Variants in CCDC148 observed in about 807,000 individuals in gnomAD.
The protein encoded by CCDC148 is coiled-coil domain containing 148.
CCDC148 carries 89 observed loss-of-function variants against 85.7 expected under a neutral mutation model. The ratio of observed to expected loss-of-function variants is 1.04; its 90% CI spans 0.87 to 1.24. The LOEUF (loss-of-function observed/expected upper bound fraction) is 1.24. CCDC148 is among the 50% of genes most tolerant of loss of function. CCDC148 has a pLI of 0.00. For synonymous variants in CCDC148, 230 were observed against 213.9 expected (o/e 1.08, Z -0.66); for missense variants, 692 against 671.7 (o/e 1.03, Z -0.33).
At chr2:158,227,194 C>T (rs1687589362) in intron 10 of CCDC148, among the ~76,000 whole-genome samples, 1 of 151,948 alleles carries the variant, frequency 6.6e-6, no homozygotes, top group African/African-American at 2.4e-5. Flanking sequence ...CATGAGTGAA[C>T]TCCCATTCAC....
At chr2:158,303,660 A>G (rs1381673921) in intron 9 of CCDC148, among the ~76,000 whole-genome samples, 1 of 152,124 alleles carries the variant, frequency 6.6e-6, no homozygotes, top group African/African-American at 2.4e-5. Flanking sequence ...AACAGAATCC[A>G]TTTTACTATA....
intron 9 of CCDC148, among the ~76,000 whole-genome samples, chr2:158,307,487 T>G (rs1006554833): frequency 6.6e-6 from 1 of 152,234 alleles, no homozygotes; most frequent in Non-Finnish European, 1.5e-5. Flanking sequence ...GAAAACTATT[T>G]GGCAGTATTT....
In CCDC148 at chr2:158,342,282, G is replaced by A. The variant is rs189554735; in HGVS notation, c.252-1602C>T. On this transcript the variant is annotated intron_variant, in intron 3 of 13. Coordinates refer to ENST00000283233, the MANE Select transcript of CCDC148 (RefSeq NM_138803.4). ...TGACCTCAGGTGATCCACCTGCCTT[G>A]GCCTCCCAAAGTGCTGTGTCATAAT... 3.0e-3 allele frequency among the ~76,000 whole-genome samples: 461 copies of A among 151,844 alleles called. 2 individuals are homozygous for A. The highest frequency in any genetic ancestry group is 0.01 in the African/African-American group (431 of 41,428).
At chr2:158,397,139 TG>T (rs1261200632) in intron 1 of CCDC148, among the ~76,000 whole-genome samples, 3 of 151,992 alleles carry the variant, frequency 2.0e-5, no homozygotes, top group Non-Finnish European at 1.5e-5. Flanking sequence ...GGCAAGAATC[TG>T]TCTCAAAATC....
At chr2:158,329,251 G>T (rs1574631136) in intron 7 of CCDC148, among the ~76,000 whole-genome samples, 1 of 152,258 alleles carries the variant, frequency 6.6e-6, no homozygotes, top group East Asian at 1.9e-4. Context: ...AGTTTTCCCA[G>T]CACCATTTAT....
At chr2:158,393,128 G>A (rs1394631474) in intron 1 of CCDC148, 1 of 152,094 alleles carries the variant, frequency 6.6e-6, no homozygotes, top group East Asian at 1.9e-4. Flanking sequence ...TTCATAATAT[G>A]CTGAATATAA....
At chr2:158,416,981 G>C (rs1416079917) in intron 1 of CCDC148, among the ~76,000 whole-genome samples, 1 of 152,202 alleles carries the variant, frequency 6.6e-6, no homozygotes, top group Non-Finnish European at 1.5e-5. Context: ...AGGGGAGGCA[G>C]ACACATTCTA....
intron 10 of CCDC148, among the ~76,000 whole-genome samples, chr2:158,229,816 T>C (rs1004664597): frequency 3.9e-5 from 6 of 152,168 alleles, no homozygotes; most frequent in African/African-American, 1.4e-4. Flanking sequence ...GAATTAAACA[T>C]AATTTTATCC....
intron 9 of CCDC148, among the ~76,000 whole-genome samples, chr2:158,307,870 G>A (rs1159664734): frequency 1.3e-5 from 2 of 152,148 alleles, no homozygotes; most frequent in African/African-American, 4.8e-5. Flanking sequence ...GATCACAGGT[G>A]GGGATTGTAT....
At chr2:158,343,046 T>C (rs1193844382) in intron 3 of CCDC148, among the ~76,000 whole-genome samples, 2 of 152,198 alleles carry the variant, frequency 1.3e-5, no homozygotes, top group Non-Finnish European at 2.9e-5. Context: ...TCTCACGATG[T>C]TGCCCAGGCT....
intron 1 of CCDC148, among the ~76,000 whole-genome samples, chr2:158,369,146 C>A (rs77755866): frequency 1.3e-5 from 2 of 152,194 alleles, no homozygotes; most frequent in Middle Eastern, 6.8e-3. Flanking sequence ...TATTGTTTCA[C>A]TATACGGGCT....
In CCDC148 at chr2:158,335,225, T is replaced by C. The variant is rs572704417; in HGVS notation, c.764+3501A>G. 8.5e-5 allele frequency among the ~76,000 whole-genome samples: 13 copies of C among 152,300 alleles called. No homozygotes were observed. In the South Asian group the frequency reaches 2.5e-3, roughly 29 times the overall value. ...TAACGTCAGCCATGTGCTTTCTTGG[T>C]AACATCCATGCAGAAGAAAAGATAC... On this transcript the variant is annotated intron_variant, in intron 7 of 13. Transcript: ENST00000283233.
intron 9 of CCDC148, among the ~76,000 whole-genome samples, chr2:158,283,005 C>T (rs1358158708): frequency 6.6e-6 from 1 of 152,062 alleles, no homozygotes; most frequent in African/African-American, 2.4e-5. Flanking sequence ...CTTTGACAAA[C>T]CTGAGAAAAA....
intron 7 of CCDC148, among the ~76,000 whole-genome samples, chr2:158,328,154 A>C (rs917466282): frequency 6.6e-6 from 1 of 151,940 alleles, no homozygotes; most frequent in Non-Finnish European, 1.5e-5. Flanking sequence ...ACCTAATGCT[A>C]TCCCTCCCCT....
At chr2:158,198,424 T>C (rs1685785532) in intron 11 of CCDC148, among the ~76,000 whole-genome samples, 1 of 152,208 alleles carries the variant, frequency 6.6e-6, no homozygotes, top group African/African-American at 2.4e-5. Context: ...GTTCTCAGAC[T>C]AGAGGCCAGT....
At chr2:158,244,644 C>A (rs1356415465) in intron 10 of CCDC148, among the ~76,000 whole-genome samples, 2 of 152,110 alleles carry the variant, frequency 1.3e-5, no homozygotes, top group South Asian at 2.1e-4. Context: ...TCTCTTACCA[C>A]CCCAGTCTGC....
intron 1 of CCDC148, among the ~76,000 whole-genome samples, chr2:158,390,193 T>C (rs1685247107): frequency 6.6e-6 from 1 of 152,178 alleles, no homozygotes; most frequent in African/African-American, 2.4e-5. Context: ...TTATATAATC[T>C]TGAAACTTAC....
At chr2:158,281,143 T>A (rs1190165462) in intron 9 of CCDC148, among the ~76,000 whole-genome samples, 1 of 151,984 alleles carries the variant, frequency 6.6e-6, no homozygotes, top group East Asian at 1.9e-4. Flanking sequence ...TACAGGGAAA[T>A]TTATAGCACT....
chr2:158,183,825 C>A (rs778154966), intron 11 of CCDC148, among the ~76,000 whole-genome samples: 1 of 152,102 alleles, frequency 6.6e-6, no homozygotes, highest in African/African-American at 2.4e-5. Flanking sequence ...GGCAGCATCA[C>A]GGGGAACCTG....
Sources: allele counts gnomAD v4.1 joint callset (sites outside exome capture counted in the v4.1 genomes callset), GRCh38; gene constraint gnomAD v4.1.1; transcripts MANE v1.5; gene names NCBI Gene and HGNC (gene_info 2026-07-23, HGNC 2026-07-21).